The following UGP2 variants were observed in gnomAD, a reference collection of about 807,000 sequenced individuals.
UGP2 encodes UTP--glucose-1-phosphate uridylyltransferase.
In UGP2, 40 loss-of-function variants were observed where a neutral mutation model predicts 49.0. The ratio of observed to expected loss-of-function variants is 0.82; its 90% CI spans 0.63 to 1.06. The LOEUF is 1.06. UGP2 is among the 50% of genes least tolerant of loss of function. UGP2 has a pLI of 0.00. For synonymous variants in UGP2, 225 were observed against 213.0 expected (o/e 1.06, Z -0.49); for missense variants, 460 against 603.5 (o/e 0.76, Z 2.49).
intron 3 of UGP2, among the ~76,000 whole-genome samples, chr2:63,863,416 G>T (rs1669980991): frequency 6.6e-6 from 1 of 152,006 alleles, no homozygotes; most frequent in African/African-American, 2.4e-5. Flanking sequence ...CAGGTTTAAA[G>T]TGCACAGTTG....
chr2:63,871,056 A>AGG (rs1441258357), intron 3 of UGP2, among the ~76,000 whole-genome samples: 3 of 152,244 alleles, frequency 2.0e-5, no homozygotes, highest in Non-Finnish European at 2.9e-5. Context: ...AAATACACAT[A>AGG]ACATAAAATT....
At chr2:63,888,225 T>C (rs1671825065) in intron 8 of UGP2, 1 of 154,080 alleles carries the variant, frequency 6.5e-6, no homozygotes. Flanking sequence ...TGATTGAGTC[T>C]GACAAATCGG....
intron 3 of UGP2, among the ~76,000 whole-genome samples, chr2:63,861,012 G>T (rs1669803563): frequency 6.6e-6 from 1 of 151,944 alleles, no homozygotes; most frequent in Admixed American, 6.6e-5. Flanking sequence ...TAGATGTTTT[G>T]TGAGAAGTCT....
In UGP2 at chr2:63,860,680, G is replaced by A. The variant is rs191833306; in HGVS notation, c.255+2744G>A. Among the ~76,000 whole-genome samples the A allele has an allele frequency of 9.3e-4, 141 of 151,706 alleles. No homozygotes were observed. The Middle Eastern group carries it at 0.031, about 33-fold the overall frequency. ...CACAGTCATAGCTCACTACAGCCTCGAACTCCTGGGCTCAAGGGATCCTCC... is the reference window on the plus strand; with the variant it reads ...CACAGTCATAGCTCACTACAGCCTCAAACTCCTGGGCTCAAGGGATCCTCC... On this transcript the variant is annotated intron_variant, in intron 3 of 9. Coordinates refer to ENST00000337130, the MANE Select transcript of UGP2 (RefSeq NM_006759.4).
At chr2:63,889,122 G>A (rs1671895447) in intron 8 of UGP2, 1 of 152,200 alleles carries the variant, frequency 6.6e-6, no homozygotes. Flanking sequence ...GCTGATTCAA[G>A]TAAGATGAGA....
upstream of UGP2, chr2:63,840,980 GC>G (rs1332005332): frequency 1.3e-5 from 2 of 152,398 alleles, no homozygotes; most frequent in African/African-American, 4.8e-5. Context: ...CATTGAAGGG[GC>G]TGCTCCGAAT....
intron 3 of UGP2, chr2:63,862,971 C>G (rs1052852860): frequency 2.4e-6 from 1 of 411,014 alleles, no homozygotes; most frequent in Non-Finnish European, 4.8e-6. Context: ...ACCTTTCCAG[C>G]TCCCTGAGTC....
intron 3 of UGP2, among the ~76,000 whole-genome samples, chr2:63,874,757 T>G (rs1050734035): frequency 6.6e-6 from 1 of 151,814 alleles, no homozygotes; most frequent in Non-Finnish European, 1.5e-5. Context: ...TCATTAGTTA[T>G]AGTGAGAACT....
chr2:63,869,843 C>G (rs1357899383), intron 3 of UGP2, among the ~76,000 whole-genome samples: 1 of 151,988 alleles, frequency 6.6e-6, no homozygotes, highest in Non-Finnish European at 1.5e-5. Context: ...TGTGAGGACT[C>G]ATCCATCACT....
At chr2:63,878,277 T>C (rs943879767) in intron 3 of UGP2, among the ~76,000 whole-genome samples, 1 of 152,220 alleles carries the variant, frequency 6.6e-6, no homozygotes, top group African/African-American at 2.4e-5. Flanking sequence ...GCCCACCCTC[T>C]TAGCTCATAG....
At chr2:63,885,956 T>A in intron 6 of UGP2, 70 bp downstream of exon 6, 3 of 1,458,194 alleles carry the variant, frequency 2.1e-6, no homozygotes, top group South Asian at 3.1e-5. Flanking sequence ...GTTAAAGACT[T>A]TTTTATTTGA....
Position 63,885,572 on chromosome 2 carries a change from CTT to C in UGP2, c.576-6_576-5del, listed in dbSNP as rs751800377. 25 of 1,101,614 alleles carry C rather than the reference CTT, an allele frequency of 2.3e-5. No homozygotes were observed. Among genetic ancestry groups the C allele is most frequent in the South Asian group, 1.4e-4 (8 of 55,478 alleles). The allele number at this position is 1,101,614 out of a possible 1,614,324, so 68.2% of individuals were successfully genotyped here. A position where few individuals can be genotyped will look rare whatever the true frequency, so the allele number is the denominator to read the frequency against. On this transcript the variant is annotated splice_polypyrimidine_tract_variant and intron_variant, in intron 5 of 9. Transcript: ENST00000337130. ...CTACAGGGTCAATATTGAAAAAGAA[CTT>C]TTTTTTTTTTAAAGGTACCCGAGGA...
Position 63,890,104 on chromosome 2 carries a change from T to C in UGP2, c.1338T>C (p.Phe446=). The change falls in exon 9 of 10, where the codon TTT becomes TTC. Residue 446 remains phenylalanine (F), a synonymous_variant. Coordinates refer to ENST00000337130, the MANE Select transcript of UGP2 (RefSeq NM_006759.4). ...AGGTTCAAGATTATCTAAGAAGATT[T>C]GAAAGTATACCAGATATGCTTGAAT... The part of the protein sequence containing the change: ...FTKVQDYLRR[F]ESIPDMLELD... 5 of 1,610,534 alleles carry C rather than the reference T, an allele frequency of 3.1e-6. No individual in the cohort carries two copies. The highest frequency in any genetic ancestry group is 4.2e-6 in the Non-Finnish European group (5 of 1,178,978).
In UGP2 at chr2:63,887,576, CTG is replaced by C; in HGVS notation, c.1247_1248del (p.Leu416HisfsTer4). The C allele has an allele frequency of 6.2e-7, 1 of 1,614,148 alleles. No homozygotes were observed. The highest frequency in any genetic ancestry group is 1.1e-5 in the South Asian group (1 of 91,082). On this transcript the variant is annotated frameshift_variant, in exon 8 of 10. Transcript: ENST00000337130. LOFTEE classifies it high-confidence loss of function. The stretch of plus-strand genomic sequence containing the variant: ...CCTCTATAGTCTTAATGCAGGATCT[CTG>C]ACAATGAGTGAAAAGCGGGAATTTC... ...SNLYSLNAGS[L>X]TMSEKREFPT... is the part of the protein sequence containing the mutation.
chr2:63,857,330 T>C (rs1036177975), intron 2 of UGP2, among the ~76,000 whole-genome samples: 1 of 151,674 alleles, frequency 6.6e-6, no homozygotes, highest in African/African-American at 2.4e-5. Context: ...CAGAGCCAGT[T>C]GGAATTCCCA....
Position 63,852,107 on chromosome 2 carries a change from A to G in UGP2, c.20-4199A>G, listed in dbSNP as rs570771345. Among the ~76,000 whole-genome samples, 17 of 149,774 alleles carry G rather than the reference A, an allele frequency of 1.1e-4. No individual in the cohort carries two copies. In the South Asian group the frequency reaches 3.5e-3, roughly 31 times the overall value. On this transcript the variant is annotated intron_variant, in intron 1 of 9. Transcript: ENST00000337130. ...CAATCACTAGGAAGGCTTTGGACCA[A>G]TCTGGGCCTGGTGCCATCTCTGAAA...
intron 3 of UGP2, among the ~76,000 whole-genome samples, chr2:63,880,068 A>C (rs1422179359): frequency 6.6e-6 from 1 of 152,136 alleles, no homozygotes; most frequent in Non-Finnish European, 1.5e-5. Flanking sequence ...GCCTGGTCCC[A>C]CTTGCTGACT....
chr2:63,869,551 G>A (rs1033081189), intron 3 of UGP2, among the ~76,000 whole-genome samples: 10 of 152,196 alleles, frequency 6.6e-5, no homozygotes, highest in African/African-American at 2.2e-4. Flanking sequence ...CACTATTCAA[G>A]TTTGGCTTCC....
rs555559735 is a variant in UGP2 at position 63,878,739 on chromosome 2, A to T, written c.256-3727A>T. ...CCACCATGCTCAGGTAATTAAAAAA[A>T]TTTTTTTGTAGAGGCAAGGTCTCAC... On this transcript the variant is annotated intron_variant, in intron 3 of 9. Transcript: ENST00000337130. Among the ~76,000 whole-genome samples, 21 of 152,136 alleles carry T rather than the reference A, an allele frequency of 1.4e-4. No individual in the cohort carries two copies. In the East Asian group the frequency reaches 3.1e-3, roughly 22 times the overall value.
Sources: allele counts gnomAD v4.1 joint callset (sites outside exome capture counted in the v4.1 genomes callset), GRCh38; gene constraint gnomAD v4.1.1; transcripts MANE v1.5; gene names NCBI Gene and HGNC (gene_info 2026-07-23, HGNC 2026-07-21).